CACNA2D4: variants seen among roughly 807,000 people sequenced by gnomAD.
CACNA2D4 encodes voltage-dependent calcium channel subunit alpha-2/delta-4.
A neutral mutation model predicts 163.8 loss-of-function variants in CACNA2D4; 157 were observed. The observed-to-expected ratio is 0.96, with a 90% CI of 0.84 to 1.09. The LOEUF is 1.09. CACNA2D4 is among the 50% of genes least tolerant of loss of function. The pLI, the probability that CACNA2D4 is intolerant of heterozygous loss-of-function variation, is 0.00. For missense variants in CACNA2D4, 1,410 were observed against 1,479.9 expected, an observed-to-expected ratio of 0.95 and a Z score of 0.78; for synonymous variants, 598 against 586.9, an observed-to-expected ratio of 1.02 and a Z score of -0.27.
chr12:1,877,955 C>A (rs893224469), intron 16 of CACNA2D4, among the ~76,000 whole-genome samples: 1 of 152,172 alleles, frequency 6.6e-6, no homozygotes, highest in African/African-American at 2.4e-5. Flanking sequence ...GAGAGGGCTC[C>A]CCTGCCATTT....
At chr12:1,825,630 ATGTTAGCAC>A (rs1334866714) in intron 26 of CACNA2D4, among the ~76,000 whole-genome samples, 1 of 152,178 alleles carries the variant, frequency 6.6e-6, no homozygotes, top group African/African-American at 2.4e-5. Flanking sequence ...GGGCACATGT[ATGTTAGCAC>A]ATACCTAGCT....
Position 1,843,007 on chromosome 12 carries a change from G to C in CACNA2D4, c.2470+1395C>G, listed in dbSNP as rs1037524913. 1.1e-4 allele frequency among the ~76,000 whole-genome samples: 16 copies of C among 152,232 alleles called. No individual in the cohort carries two copies. Among genetic ancestry groups the C allele is most frequent in the African/African-American group, 3.4e-4 (14 of 41,568 alleles). ...TGTGGCTCCCTTGCTGTGTGACCCC[G>C]GGCAAGTTACAGAACCTCTCTGAGC... On this transcript the variant is annotated intron_variant, in intron 25 of 37. Transcript: ENST00000382722. This position sits in a 1 kb window ranked among gnomAD's most constrained non-coding sequence, Gnocchi z 4.6.
chr12:1,839,237 A>C (rs1457807122), intron 26 of CACNA2D4, among the ~76,000 whole-genome samples: 1 of 152,238 alleles, frequency 6.6e-6, no homozygotes, highest in Non-Finnish European at 1.5e-5. Flanking sequence ...GGTGCCTGCC[A>C]GCTGCGTTCA....
intron 36 of CACNA2D4, 38 bp downstream of exon 36, chr12:1,795,630 C>T (rs750240991): frequency 2.1e-6 from 3 of 1,409,258 alleles, no homozygotes; most frequent in Admixed American, 1.7e-5. Context: ...CTACAGCCCC[C>T]GCCCCCACCG....
intron 18 of CACNA2D4, among the ~76,000 whole-genome samples, chr12:1,860,412 G>A (rs1277748396): frequency 6.6e-6 from 1 of 152,224 alleles, no homozygotes; most frequent in Non-Finnish European, 1.5e-5. Flanking sequence ...AGCCCTTTGG[G>A]GCGTGGCCTG....
rs749144790 is a variant in CACNA2D4, at chr12:1,846,611, G to T, written c.2325C>A (p.Ser775=). Residue 775 remains serine, a synonymous_variant, in exon 24 of 38, where the codon TCC becomes TCA. Transcript: ENST00000382722. ...CAACCCACCTGTCGGAGACCTTCTC[G>T]GAGCCCACGAACAAGCTGCTTCTCA... ...GLLRSSLFVG[S]EKVSDRKFLT... The T allele has an allele frequency of 6.3e-7, 1 of 1,599,908 alleles. No homozygotes were observed. The highest frequency in any genetic ancestry group is 8.5e-7 in the Non-Finnish European group (1 of 1,176,098).
chr12:1,826,897 G>A (rs1592682952), intron 26 of CACNA2D4, among the ~76,000 whole-genome samples: 1 of 152,206 alleles, frequency 6.6e-6, no homozygotes, highest in Admixed American at 6.5e-5. Context: ...GAAGCTTCTC[G>A]GCAGCTCCAT....
rs1382643401 is a variant in CACNA2D4, at chr12:1,843,555, G to C, written c.2470+847C>G. On this transcript the variant is annotated intron_variant, in intron 25 of 37. Transcript: ENST00000382722. The surrounding 1 kb of genome is among the most constrained non-coding windows in gnomAD (Gnocchi z 4.6). ...GCCCCAGCACTCACCTGGTGGAGGGGTGGTGGAGGGGTGGCTGTGCCATGC... is the reference window on the plus strand; with the variant it reads ...GCCCCAGCACTCACCTGGTGGAGGGCTGGTGGAGGGGTGGCTGTGCCATGC... Among the ~76,000 whole-genome samples the C allele has an allele frequency of 1.3e-5, 2 of 152,178 alleles. No individual in the cohort carries two copies. Among genetic ancestry groups the C allele is most frequent in the Non-Finnish European group, 2.9e-5 (2 of 68,032 alleles).
chr12:1,821,831 TCCCCCACC>T (rs1774306008), intron 26 of CACNA2D4, among the ~76,000 whole-genome samples: 1 of 151,810 alleles, frequency 6.6e-6, no homozygotes, highest in South Asian at 2.1e-4. Flanking sequence ...GCCCTGTCTC[TCCCCCACC>T]CCCAAGCTGT....
At chr12:1,871,108 CTGT>C (rs1373738541) in intron 18 of CACNA2D4, among the ~76,000 whole-genome samples, 5 of 149,862 alleles carry the variant, frequency 3.3e-5, no homozygotes, top group South Asian at 2.1e-4. Flanking sequence ...GTGTGTGCTG[CTGT>C]TGTGTGCATA....
chr12:1,894,301 C>A (rs1018490044), intron 6 of CACNA2D4, among the ~76,000 whole-genome samples: 1 of 152,132 alleles, frequency 6.6e-6, no homozygotes, highest in East Asian at 1.9e-4. Context: ...CCAAATTGTA[C>A]CAAACTTTCA....
At chr12:1,914,967 C>T in intron 1 of CACNA2D4, 32 bp from the exon 2 acceptor site, 3 of 1,457,370 alleles carry the variant, frequency 2.1e-6, no homozygotes, top group Non-Finnish European at 1.9e-6. Flanking sequence ...CGCGTATACA[C>T]ACACGTACAC....
rs777492423 is a variant in CACNA2D4 at position 1,793,737 on chromosome 12, C to T, written c.3332G>A (p.Gly1111Asp). 2 of 1,613,088 alleles carry T rather than the reference C, an allele frequency of 1.2e-6. No homozygotes were observed. Among genetic ancestry groups the T allele is most frequent in the African/African-American group, 2.7e-5 (2 of 74,938 alleles). The part of the protein sequence containing the change: ...HPEENAQDCG[G>D]ASDTSASPPL... ...CGGCGAGGCTGAGGTGTCCGAGGCG[C>T]CGCCGCAGTCCTGGGCATTCTCCTG... Residue 1111 changes from glycine to aspartate, a missense_variant, in exon 38 of 38, where the codon GGC (glycine) becomes GAC (aspartate). Coordinates refer to ENST00000382722, the MANE Select transcript of CACNA2D4 (RefSeq NM_172364.5).
Position 1,907,633 on chromosome 12 carries a change from C to G in CACNA2D4, c.650-62G>C. The stretch of plus-strand genomic sequence containing the variant: ...CTTCTCAGGAAAATGGTGATCATGC[C>G]CGGTGAGGGTGCCTGGTGGGCGTGT... On this transcript the variant is annotated intron_variant, in intron 5 of 37. Transcript: ENST00000382722. The G allele has an allele frequency of 2.0e-6, 3 of 1,501,324 alleles. No individual in the cohort carries two copies. In the African/African-American group the frequency reaches 4.1e-5, roughly 21 times the overall value. The allele number at this position is 1,501,324 out of a possible 1,614,324, so 93.0% of individuals were successfully genotyped here.
chr12:1,795,549 GC>G, intron 36 of CACNA2D4, 118 bp downstream of exon 36: 1 of 839,764 alleles, frequency 1.2e-6, no homozygotes. Flanking sequence ...AAATAACGGA[GC>G]CCTGTGGAGG....
chr12:1,828,397 C>G lies in CACNA2D4; in HGVS notation c.2551+12342G>C, dbSNP rs1001744792. Among the ~76,000 whole-genome samples, 1 of 152,222 alleles carries G rather than the reference C, an allele frequency of 6.6e-6. No individual in the cohort carries two copies. The highest frequency in any genetic ancestry group is 1.5e-5 in the Non-Finnish European group (1 of 68,034). ...GGGTCACGCCCACGGTGACAGCATC[C>G]CTGCCAGTCAGAGTCACCGCTGAGT... On this transcript the variant is annotated intron_variant, in intron 26 of 37. Transcript: ENST00000382722. This position sits in a 1 kb window ranked among gnomAD's most constrained non-coding sequence, Gnocchi z 4.2.
At position 1,797,437 on chromosome 12, in the gene CACNA2D4, C is replaced by T. The variant is rs1159682439; in HGVS notation, c.3094G>A (p.Glu1032Lys). The T allele has an allele frequency of 1.9e-6, 3 of 1,560,128 alleles. No homozygotes were observed. The highest frequency in any genetic ancestry group is 1.8e-5 in the Admixed American group (1 of 54,112). ...TCTTACTTCTGGCAGGGCCCGCACT[C>T]CACGATCCCGTTGGCCTCCCGGATG... ...PAIREANGIVECGPCQKVFVV... is the reference protein window; with the variant it reads ...PAIREANGIVKCGPCQKVFVV... The change falls in exon 35 of 38, where the codon GAG becomes AAG. Residue 1032 changes from glutamate (E) to lysine (K), a missense_variant. Transcript: ENST00000382722.
chr12:1,858,394 C>T (rs931971035), intron 20 of CACNA2D4, among the ~76,000 whole-genome samples, 183 bp downstream of exon 20: 7 of 152,138 alleles, frequency 4.6e-5, no homozygotes, highest in Non-Finnish European at 1.0e-4. Flanking sequence ...ATCCTGCATG[C>T]CCTGGGAGCC....
intron 18 of CACNA2D4, among the ~76,000 whole-genome samples, chr12:1,862,470 C>T (rs545164584): frequency 2.0e-5 from 3 of 152,322 alleles, no homozygotes; most frequent in African/African-American, 7.2e-5. Flanking sequence ...GAGTCTCACT[C>T]TGTCGCCAGG....
Sources: allele counts gnomAD v4.1 joint callset (sites outside exome capture counted in the v4.1 genomes callset), GRCh38; gene constraint gnomAD v4.1.1; non-coding constraint Gnocchi (gnomAD v3.1); transcripts MANE v1.5; gene names NCBI Gene and HGNC (gene_info 2026-07-23, HGNC 2026-07-21).